DLEU7: variants seen among roughly 807,000 people sequenced by gnomAD.
DLEU7 encodes the protein deleted in lymphocytic leukemia 7.
Under a neutral mutation model 16.0 loss-of-function variants are expected in DLEU7, and 17 were observed. That is an observed-to-expected ratio of 1.06 (90% CI 0.73 to 1.59). DLEU7 has a LOEUF of 1.59. Among genes scored for constraint, DLEU7 ranks in the 40% most tolerant of loss-of-function variants. The pLI, the probability that DLEU7 is intolerant of heterozygous loss-of-function variation, is 0.00. For missense variants in DLEU7, 308 were observed against 314.9 expected (o/e 0.98, Z 0.17); for synonymous variants, 113 against 139.8 (o/e 0.81, Z 1.35).
chr13:50,752,536 G>A (rs1410593710), intron 1 of DLEU7, among the ~76,000 whole-genome samples: 2 of 152,132 alleles, frequency 1.3e-5, no homozygotes, highest in African/African-American at 2.4e-5. Flanking sequence ...AAGGCGGCGT[G>A]TCCAGAGTTT....
At chr13:50,728,048 A>C (rs1747812876) in intron 1 of DLEU7, among the ~76,000 whole-genome samples, 4 of 152,152 alleles carry the variant, frequency 2.6e-5, no homozygotes, top group Admixed American at 2.6e-4. Flanking sequence ...ACTTTTTGAG[A>C]GCAAGACTTT....
chr13:50,753,614 G>A (rs542949208), intron 1 of DLEU7, among the ~76,000 whole-genome samples: 5 of 152,272 alleles, frequency 3.3e-5, no homozygotes, highest in East Asian at 3.9e-4. Context: ...GGAGTCCCCC[G>A]AGCCCACGCC....
At chr13:50,822,534 G>C (rs139879033), downstream of DLEU7, 1 of 744,814 alleles carries the variant, frequency 1.3e-6, no homozygotes, top group African/African-American at 1.9e-5. Context: ...GGCTCTAAAC[G>C]GTTTGGGAAA....
intron 1 of DLEU7, chr13:50,713,365 G>A (rs754023470): frequency 3.3e-4 from 387 of 1,165,350 alleles, no homozygotes; most frequent in Non-Finnish European, 4.6e-4. Context: ...GGAGATATGG[G>A]CTAACACACA....
At chr13:50,802,520 A>C (rs1876280113) in intron 1 of DLEU7, among the ~76,000 whole-genome samples, 1 of 152,234 alleles carries the variant, frequency 6.6e-6, no homozygotes, top group African/African-American at 2.4e-5. Flanking sequence ...TATGTTGAGA[A>C]ATATTAAGCA....
Position 50,823,519 on chromosome 13 carries a change from T to C in DLEU7, c.461A>G (p.Asp154Gly). 2.0e-6 allele frequency: 3 copies of C among 1,535,630 alleles called. No individual in the cohort carries two copies. The highest frequency in any genetic ancestry group is 2.6e-6 in the Non-Finnish European group (3 of 1,146,528). The change falls in exon 2 of 2, where the codon GAT (aspartate) becomes GGT (glycine). Residue 154 changes from aspartate to glycine, a missense_variant and splice_region_variant. Transcript: ENST00000504404. The part of the protein sequence containing the change: ...QERSFPIHLK[D>G]SVEFRNICSH... ...GCAGATGTTTCTAAACTCAACACTATCCTGAAATGAACAACAAACACAAAC... is the reference window on the plus strand; with the variant it reads ...GCAGATGTTTCTAAACTCAACACTACCCTGAAATGAACAACAAACACAAAC...
chr13:50,819,712 C>A (rs1876840349), downstream of DLEU7, among the ~76,000 whole-genome samples: 2 of 152,130 alleles, frequency 1.3e-5, no homozygotes, highest in Admixed American at 1.3e-4. Flanking sequence ...CCATAGCCAA[C>A]TGAAATTTGA....
chr13:50,725,802 C>A (rs1002326113), intron 1 of DLEU7, among the ~76,000 whole-genome samples: 6 of 151,844 alleles, frequency 4.0e-5, no homozygotes, highest in Admixed American at 3.9e-4. Context: ...TTTTTCTGTA[C>A]TACATCAACC....
intron 1 of DLEU7, among the ~76,000 whole-genome samples, chr13:50,806,574 A>G (rs1420949425): frequency 6.6e-6 from 1 of 152,100 alleles, no homozygotes; most frequent in Non-Finnish European, 1.5e-5. Context: ...GCTCGGAGTA[A>G]TATTTAATAC....
chr13:50,751,915 TTTG>T lies in DLEU7; in HGVS notation c.460-38678_460-38676del, dbSNP rs557742434. 1.8e-4 allele frequency among the ~76,000 whole-genome samples: 28 copies of T among 151,576 alleles called. 1 individual carries two copies. The South Asian group carries it at 5.0e-3, about 27-fold the overall frequency. On this transcript the variant is annotated intron_variant, in intron 1 of 1. Coordinates refer to the DLEU7 transcript ENST00000400393. Reference sequence around the variant, plus strand: ...GTTTCATTTATCTTTTGTATTTTTTTTTGTTGTTGTTTCAATTTCATTTAGTTC... The same window carrying T: ...GTTTCATTTATCTTTTGTATTTTTTTTTGTTGTTTCAATTTCATTTAGTTC...
At chr13:50,742,164 A>G (rs563227824) in intron 1 of DLEU7, among the ~76,000 whole-genome samples, 96 of 152,320 alleles carry the variant, frequency 6.3e-4, no homozygotes, top group African/African-American at 2.2e-3. Context: ...AAGTTTAGGT[A>G]CAAGAGATTT....
chr13:50,746,478 T>C (rs1165963633), intron 1 of DLEU7, among the ~76,000 whole-genome samples: 1 of 152,196 alleles, frequency 6.6e-6, no homozygotes. Flanking sequence ...ATAGAATAGG[T>C]AAGCTATCAA....
chr13:50,776,531 A>G (rs897560359), intron 1 of DLEU7, among the ~76,000 whole-genome samples: 12 of 152,184 alleles, frequency 7.9e-5, no homozygotes, highest in Non-Finnish European at 1.5e-4. Flanking sequence ...TTTAAGAGTC[A>G]TGGCTCCATA....
intron 1 of DLEU7, among the ~76,000 whole-genome samples, chr13:50,771,352 T>A (rs1189780450): frequency 6.6e-6 from 1 of 152,228 alleles, no homozygotes; most frequent in African/African-American, 2.4e-5. Context: ...TTAATTGTGA[T>A]GTTAGGGTGT....
At chr13:50,759,866 C>T (rs1269141740) in intron 1 of DLEU7, among the ~76,000 whole-genome samples, 1 of 152,200 alleles carries the variant, frequency 6.6e-6, no homozygotes, top group East Asian at 1.9e-4. Flanking sequence ...AACTTCTCTC[C>T]TGGAGCCCAG....
intron 1 of DLEU7, among the ~76,000 whole-genome samples, chr13:50,768,198 A>ATG (rs1475469669): frequency 1.3e-5 from 2 of 152,124 alleles, no homozygotes; most frequent in Admixed American, 1.3e-4. Flanking sequence ...TATCTAAATT[A>ATG]TGTATGTGTG....
At chr13:50,731,623 C>T (rs543943450) in intron 1 of DLEU7, among the ~76,000 whole-genome samples, 25 of 152,282 alleles carry the variant, frequency 1.6e-4, no homozygotes, top group Non-Finnish European at 7.4e-5. Flanking sequence ...AGAACAAGCC[C>T]AGGCAAGTCT....
intron 1 of DLEU7, among the ~76,000 whole-genome samples, chr13:50,834,047 G>C (rs1488870420): frequency 6.6e-6 from 1 of 152,056 alleles, no homozygotes; most frequent in African/African-American, 2.4e-5. Context: ...CCTCAAGATG[G>C]ATTAAAGACT....
Position 50,843,221 on chromosome 13 carries a change from G to A in DLEU7, c.426C>T (p.Leu142=), listed in dbSNP as rs758164846. The change falls in exon 1 of 2, where the codon CTC becomes CTT. Residue 142 remains leucine (L), a synonymous_variant. Transcript: ENST00000504404. The surrounding 1 kb of genome is among the most constrained non-coding windows in gnomAD (Gnocchi z 5.7). ...VSVEQTLLGP[L]QQERSFPIHL... is the part of the protein sequence containing the mutation. ...GAATGGGAAAGGACCGCTCCTGCTG[G>A]AGGGGCCCCAGCAGCGTCTGCTCCA... The A allele has an allele frequency of 6.3e-7, 1 of 1,593,960 alleles. No homozygotes were observed. Among genetic ancestry groups the A allele is most frequent in the Admixed American group, 1.7e-5 (1 of 58,784 alleles).
Sources: gnomAD v4.1 joint callset for allele counts (sites outside exome capture counted in the v4.1 genomes callset) on GRCh38, gnomAD v4.1.1 for gene constraint, Gnocchi (gnomAD v3.1) non-coding constraint, MANE v1.5 for transcripts, NCBI Gene and HGNC (gene_info 2026-07-23, HGNC 2026-07-21) for gene names.